Variants in DYM observed in about 807,000 individuals in gnomAD.
DYM encodes the protein dyggve-Melchior-Clausen syndrome protein.
Under a neutral mutation model 93.1 loss-of-function variants are expected in DYM, and 78 were observed. That is an observed-to-expected ratio of 0.84 (90% CI 0.70 to 1.01). The LOEUF is 1.01. Ranked by LOEUF, DYM falls within the 50% of genes least tolerant of loss-of-function variation. The pLI, the probability that DYM is intolerant of heterozygous loss-of-function variation, is 0.00. For synonymous variants in DYM, 321 were observed against 319.7 expected, an observed-to-expected ratio of 1.00 and a Z score of -0.04; for missense variants, 789 against 845.0, an observed-to-expected ratio of 0.93 and a Z score of 0.82.
At chr18:49,046,844 G>A (rs990151152) in intron 17 of DYM, among the ~76,000 whole-genome samples, 9 of 152,160 alleles carry the variant, frequency 5.9e-5, no homozygotes, top group African/African-American at 2.2e-4. Context: ...CAGTGAGCTA[G>A]AATCATGCCA....
rs2070966639 is a variant in DYM, at chr18:49,042,085, A to G, written c.*1970T>C. ...TAAATACATATCCTTGCTACCTGAAATGATAATCATCACTCCCCCTGCTGG... is the reference window on the plus strand; with the variant it reads ...TAAATACATATCCTTGCTACCTGAAGTGATAATCATCACTCCCCCTGCTGG... On this transcript the variant is annotated 3_prime_UTR_variant, in exon 18 of 18. Transcript: ENST00000675505. 6.6e-6 allele frequency: 1 copy of G among 152,518 alleles called. No individual in the cohort carries two copies. The highest frequency in any genetic ancestry group is 1.5e-5 in the Non-Finnish European group (1 of 68,044). 9.4% of individuals were successfully genotyped at this position (152,518 alleles called of 1,614,324 possible). A position where few individuals can be genotyped will look rare whatever the true frequency, so the allele number is the denominator to read the frequency against.
rs372426051 is a variant in DYM at position 49,236,435 on chromosome 18, G to A, written c.1460+20575C>T. The stretch of plus-strand genomic sequence containing the variant: ...GCGGAGCTTGCAGTGAGCTGAGATC[G>A]TGCCAATGCACTCCAGCCTGGGCGA... On this transcript the variant is annotated intron_variant, in intron 13 of 17. Transcript: ENST00000675505. 4.2e-4 allele frequency among the ~76,000 whole-genome samples: 64 copies of A among 151,328 alleles called. 1 individual carries two copies. Among genetic ancestry groups the A allele is most frequent in the African/African-American group, 1.0e-3 (42 of 41,362 alleles).
chr18:49,450,414 T>C (rs935527160), intron 1 of DYM, among the ~76,000 whole-genome samples: 6 of 152,240 alleles, frequency 3.9e-5, no homozygotes, highest in Non-Finnish European at 8.8e-5. Context: ...CATGTAATAG[T>C]AAAGGATGAT....
intron 3 of DYM, among the ~76,000 whole-genome samples, chr18:49,385,081 A>C (rs1437754070): frequency 6.6e-6 from 1 of 152,080 alleles, no homozygotes. Context: ...GAAAAAAGAA[A>C]AAAAAAAAGG....
rs2071060700 is a variant in DYM at position 49,043,174 on chromosome 18, G to T, written c.*881C>A. 6.6e-6 allele frequency: 1 copy of T among 151,240 alleles called. No individual in the cohort carries two copies. The highest frequency in any genetic ancestry group is 2.4e-5 in the African/African-American group (1 of 41,106). 9.4% of individuals were successfully genotyped at this position (151,240 alleles called of 1,614,324 possible). A position where few individuals can be genotyped will look rare whatever the true frequency, so the allele number is the denominator to read the frequency against. On this transcript the variant is annotated 3_prime_UTR_variant, in exon 18 of 18. Transcript: ENST00000675505. The stretch of plus-strand genomic sequence containing the variant: ...AGACAGGGTCTCACTTTGTGGCTCA[G>T]GCTGGAGTGTACTGGCACGTTCTTA...
At chr18:49,395,456 C>G (rs1363264740) in intron 2 of DYM, among the ~76,000 whole-genome samples, 1 of 151,762 alleles carries the variant, frequency 6.6e-6, no homozygotes, top group Non-Finnish European at 1.5e-5. Context: ...ATGGAGAAAC[C>G]CTATCTCTAC....
intron 2 of DYM, among the ~76,000 whole-genome samples, chr18:49,427,618 CAAT>C (rs565778137): frequency 9.9e-4 from 150 of 151,852 alleles, no homozygotes; most frequent in African/African-American, 3.3e-3. Flanking sequence ...ACTTAAAAAA[CAAT>C]AATGAACAAA....
intron 2 of DYM, among the ~76,000 whole-genome samples, chr18:49,400,362 A>C (rs1194470953): frequency 1.3e-5 from 2 of 152,114 alleles, no homozygotes; most frequent in Non-Finnish European, 2.9e-5. Flanking sequence ...CCATTCTGTG[A>C]CTATGTCCCC....
chr18:49,186,920 C>CT lies in DYM; in HGVS notation c.1625+22630dup, dbSNP rs57080617. Among the ~76,000 whole-genome samples, 1,035 of 117,776 alleles carry CT rather than the reference C, an allele frequency of 8.8e-3. 15 individuals are homozygous for CT. Among genetic ancestry groups the CT allele is most frequent in the Middle Eastern group, 0.02 (4 of 204 alleles). The allele number at this position is 117,776 out of a possible 152,430, so 77.3% of individuals were successfully genotyped here. ...ATATTCACTGCCGGTACACAATCTTCTTTTTTTTTTTTTTTTTTTTTGAGA... is the reference window on the plus strand; with the variant it reads ...ATATTCACTGCCGGTACACAATCTTCTTTTTTTTTTTTTTTTTTTTTTGAGA... On this transcript the variant is annotated intron_variant, in intron 14 of 17. Transcript: ENST00000675505.
At chr18:49,326,364 T>C (rs2062877639) in intron 8 of DYM, among the ~76,000 whole-genome samples, 1 of 152,102 alleles carries the variant, frequency 6.6e-6, no homozygotes, top group African/African-American at 2.4e-5. Flanking sequence ...CTAATACAGC[T>C]TTGCTTGCAC....
chr18:49,383,504 T>C (rs933299347), intron 3 of DYM, among the ~76,000 whole-genome samples: 1 of 152,072 alleles, frequency 6.6e-6, no homozygotes, highest in Admixed American at 6.6e-5. Context: ...ATAAATTAGG[T>C]TGGGAAACTA....
chr18:49,145,108 C>CATATAT (rs56212722), intron 15 of DYM, among the ~76,000 whole-genome samples: 192 of 18,748 alleles, frequency 0.01, 15 homozygotes, highest in East Asian at 0.017. Flanking sequence ...CAAAAAAATT[C>CATATAT]ATATATATAT....
intron 13 of DYM, among the ~76,000 whole-genome samples, chr18:49,240,619 C>T (rs1051044959): frequency 2.0e-5 from 3 of 152,092 alleles, no homozygotes; most frequent in Non-Finnish European, 4.4e-5. Flanking sequence ...ATAAGTTTTT[C>T]GAAATTTTAA....
chr18:49,133,795 C>G (rs1435769388), intron 15 of DYM, among the ~76,000 whole-genome samples: 1 of 152,190 alleles, frequency 6.6e-6, no homozygotes, highest in Admixed American at 6.5e-5. Context: ...CTGGAATAAC[C>G]AGTCTAATGT....
intron 13 of DYM, among the ~76,000 whole-genome samples, chr18:49,221,680 C>T (rs1053947193): frequency 1.3e-5 from 2 of 152,230 alleles, no homozygotes; most frequent in African/African-American, 4.8e-5. Flanking sequence ...ACCGCATGTT[C>T]TCACTCATAG....
intron 8 of DYM, among the ~76,000 whole-genome samples, chr18:49,295,630 TC>T (rs2060483372): frequency 6.6e-6 from 1 of 152,174 alleles, no homozygotes; most frequent in Non-Finnish European, 1.5e-5. Context: ...AGTTTAGACT[TC>T]CATGTGAGAG....
At chr18:49,207,649 C>A (rs1784917869) in intron 14 of DYM, among the ~76,000 whole-genome samples, 1 of 152,178 alleles carries the variant, frequency 6.6e-6, no homozygotes, top group African/African-American at 2.4e-5. Context: ...AAGACCACAG[C>A]ATAAAAATCC....
At chr18:49,303,970 T>C (rs2061117468) in intron 8 of DYM, among the ~76,000 whole-genome samples, 1 of 152,200 alleles carries the variant, frequency 6.6e-6, no homozygotes, top group Admixed American at 6.5e-5. Context: ...CTCATGCACA[T>C]ACATGCACAC....
chr18:49,192,294 A>T (rs2091055555), intron 14 of DYM, among the ~76,000 whole-genome samples: 1 of 151,982 alleles, frequency 6.6e-6, no homozygotes, highest in African/African-American at 2.4e-5. Context: ...TATCTCATAG[A>T]GTTGTTTTGA....
Sources: gnomAD v4.1 joint callset for allele counts (sites outside exome capture counted in the v4.1 genomes callset) on GRCh38, gnomAD v4.1.1 for gene constraint, MANE v1.5 for transcripts, NCBI Gene and HGNC (gene_info 2026-07-23, HGNC 2026-07-21) for gene names.